Variants in SRPK2 observed in about 807,000 individuals in gnomAD.
SRPK2 encodes SFRS protein kinase 2.
In SRPK2, 21 loss-of-function variants were observed where a neutral mutation model predicts 90.8. That is an observed-to-expected ratio of 0.23 (90% CI 0.16 to 0.33). The LOEUF (loss-of-function observed/expected upper bound fraction) is 0.33. Ranked by LOEUF, SRPK2 falls within the 10% of genes least tolerant of loss-of-function variation. The pLI, the probability that SRPK2 is intolerant of heterozygous loss-of-function variation, is 1.00. For synonymous variants in SRPK2, 288 were observed against 311.1 expected (o/e 0.93, Z 0.78); for missense variants, 620 against 869.0 (o/e 0.71, Z 3.60).
At chr7:105,289,074 G>T (rs1389213748) in intron 2 of SRPK2, among the ~76,000 whole-genome samples, 1 of 139,042 alleles carries the variant, frequency 7.2e-6, no homozygotes, top group East Asian at 2.1e-4. Context: ...GGCTAACATG[G>T]TGAAACCCCA....
chr7:105,116,104 G>A (rs1799607920), downstream of SRPK2, among the ~76,000 whole-genome samples: 1 of 152,140 alleles, frequency 6.6e-6, no homozygotes, highest in African/African-American at 2.4e-5. Flanking sequence ...AATTTGCAAT[G>A]ATCAAACAAA....
At chr7:105,219,584 A>C (rs933400712) in intron 2 of SRPK2, among the ~76,000 whole-genome samples, 1 of 152,246 alleles carries the variant, frequency 6.6e-6, no homozygotes, top group Non-Finnish European at 1.5e-5. Context: ...GACGTTAGCT[A>C]TGTGCCTAAG....
intron 2 of SRPK2, among the ~76,000 whole-genome samples, chr7:105,335,938 T>A (rs1453085168): frequency 6.6e-6 from 1 of 150,654 alleles, no homozygotes; most frequent in African/African-American, 2.4e-5. Flanking sequence ...CCTGGGCAAC[T>A]AGAGCAAAAC....
chr7:105,260,600 A>G (rs1159383684), intron 2 of SRPK2, among the ~76,000 whole-genome samples: 5 of 152,226 alleles, frequency 3.3e-5, no homozygotes, highest in Admixed American at 2.6e-4. Flanking sequence ...TTATTGTGGC[A>G]CTATTCACAA....
intron 2 of SRPK2, among the ~76,000 whole-genome samples, chr7:105,243,630 CA>C (rs767760238): frequency 0.16 from 8,974 of 55,532 alleles, 773 homozygotes; most frequent in African/African-American, 0.39. Context: ...GACTCCATCT[CA>C]AAAAAAAAAA....
chr7:105,294,531 T>A (rs2131107693), intron 2 of SRPK2, among the ~76,000 whole-genome samples: 1 of 151,920 alleles, frequency 6.6e-6, no homozygotes, highest in Admixed American at 6.6e-5. Context: ...TGTTTTGTTT[T>A]GTTTTGTTTT....
chr7:105,323,324 T>C (rs1813154339), intron 2 of SRPK2, among the ~76,000 whole-genome samples: 1 of 152,152 alleles, frequency 6.6e-6, no homozygotes, highest in Admixed American at 6.5e-5. Flanking sequence ...CAAAAACAAA[T>C]GAAGGTAAAG....
chr7:105,201,601 G>A (rs1474645413), intron 3 of SRPK2, among the ~76,000 whole-genome samples: 3 of 147,410 alleles, frequency 2.0e-5, no homozygotes, highest in Non-Finnish European at 3.0e-5. Context: ...AGCTCCTAAA[G>A]AATGGTTCTA....
intron 2 of SRPK2, among the ~76,000 whole-genome samples, chr7:105,258,688 A>T (rs1180669444): frequency 1.3e-5 from 2 of 152,138 alleles, no homozygotes; most frequent in African/African-American, 2.4e-5. Context: ...TATCCACCAC[A>T]ATCAACTTGG....
chr7:105,375,206 G>A (rs1820147030), intron 2 of SRPK2, among the ~76,000 whole-genome samples: 1 of 152,032 alleles, frequency 6.6e-6, no homozygotes. Flanking sequence ...GACTCTTCAA[G>A]GTCTCCCTAA....
chr7:105,351,430 G>A (rs1554519048), intron 2 of SRPK2, among the ~76,000 whole-genome samples: 1 of 151,994 alleles, frequency 6.6e-6, no homozygotes, highest in Non-Finnish European at 1.5e-5. Flanking sequence ...GGCTGAGGAG[G>A]GCGAATCACC....
intron 2 of SRPK2, among the ~76,000 whole-genome samples, chr7:105,320,850 T>C (rs964191648): frequency 7.9e-5 from 12 of 151,672 alleles, no homozygotes; most frequent in African/African-American, 2.9e-4. Context: ...ACTGGGTTAA[T>C]GAGACAAGGT....
At chr7:105,268,996 TTA>T in intron 2 of SRPK2, 1 of 1,386,292 alleles carries the variant, frequency 7.2e-7, no homozygotes, top group Non-Finnish European at 9.5e-7. Context: ...AGTACTTCTG[TTA>T]GGACTGGGAT....
chr7:105,159,448 C>CAAAA lies in SRPK2; in HGVS notation c.621+1055_621+1058dup, dbSNP rs765544583. On this transcript the variant is annotated intron_variant, in intron 7 of 15. Transcript: ENST00000393651. The stretch of plus-strand genomic sequence containing the variant: ...GGGTGACAGAGCGAGACTCCGTCTC[C>CAAAA]AAAAAAAAAAAAAAAAAAAAAAAAA... Among the ~76,000 whole-genome samples, 52 of 33,134 alleles carry CAAAA rather than the reference C, an allele frequency of 1.6e-3. 5 individuals are homozygous for CAAAA. Among genetic ancestry groups the CAAAA allele is most frequent in the African/African-American group, 3.3e-3 (35 of 10,694 alleles). The allele number at this position is 33,134 out of a possible 152,430, so 21.7% of individuals were successfully genotyped here.
rs115423844 is a variant in SRPK2 at position 105,207,303 on chromosome 7, A to G, written c.72-3518T>C. On this transcript the variant is annotated intron_variant, in intron 2 of 15. Coordinates refer to ENST00000393651, the MANE Select transcript of SRPK2 (RefSeq NM_182692.3). The stretch of plus-strand genomic sequence containing the variant: ...AGGTGTGTGCCACTGGGCCTGGCCA[A>G]GGCTGGCTTCTTTAAAGTGGTTTCT... Among the ~76,000 whole-genome samples, 1,017 of 152,304 alleles carry G rather than the reference A, an allele frequency of 6.7e-3. 14 individuals are homozygous for G. Among genetic ancestry groups the G allele is most frequent in the African/African-American group, 0.023 (961 of 41,560 alleles).
intron 2 of SRPK2, among the ~76,000 whole-genome samples, chr7:105,374,738 G>A (rs1482643011): frequency 1.3e-5 from 2 of 152,030 alleles, no homozygotes; most frequent in African/African-American, 2.4e-5. Flanking sequence ...CGGAGGAGCT[G>A]GGAAGGGATT....
intron 2 of SRPK2, among the ~76,000 whole-genome samples, chr7:105,366,014 C>G (rs1360158677): frequency 3.3e-5 from 5 of 151,940 alleles, no homozygotes; most frequent in Admixed American, 3.3e-4. Flanking sequence ...GCTACCACGC[C>G]CAGCTAATCT....
intron 2 of SRPK2, among the ~76,000 whole-genome samples, chr7:105,255,820 T>A (rs1803196871): frequency 6.6e-6 from 1 of 151,762 alleles, no homozygotes; most frequent in African/African-American, 2.4e-5. Context: ...TAATCCCAGC[T>A]ACTCAGGAGG....
intron 2 of SRPK2, among the ~76,000 whole-genome samples, chr7:105,362,874 G>T (rs1818595598): frequency 6.6e-6 from 1 of 152,134 alleles, no homozygotes; most frequent in Admixed American, 6.6e-5. Context: ...CCATAAAAAA[G>T]AATGAGTTCC....
Sources: allele counts gnomAD v4.1 joint callset (sites outside exome capture counted in the v4.1 genomes callset), GRCh38; gene constraint gnomAD v4.1.1; transcripts MANE v1.5; gene names NCBI Gene and HGNC (gene_info 2026-07-23, HGNC 2026-07-21).